Variants in CNTNAP2 observed in about 807,000 individuals in gnomAD.
The protein encoded by CNTNAP2 is contactin associated protein 2.
In CNTNAP2, 98 loss-of-function variants were observed where a neutral mutation model predicts 155.2. The ratio of observed to expected loss-of-function variants is 0.63; its 90% confidence interval spans 0.54 to 0.75. The LOEUF (loss-of-function observed/expected upper bound fraction) is 0.75. Among genes scored for constraint, CNTNAP2 ranks in the 30% least tolerant of loss-of-function variants. The pLI is 0.00. For missense variants in CNTNAP2, 1,727 were observed against 1,688.1 expected, an observed-to-expected ratio of 1.02 and a Z score of -0.40; for synonymous variants, 651 against 631.2, an observed-to-expected ratio of 1.03 and a Z score of -0.47.
chr7:146,217,372 T>TAA (rs1436000492), intron 1 of CNTNAP2, among the ~76,000 whole-genome samples: 1 of 152,214 alleles, frequency 6.6e-6, no homozygotes, highest in Admixed American at 6.5e-5. Flanking sequence ...GCTCTTTTCT[T>TAA]AACTTTTATT....
At chr7:148,027,602 T>C (rs1802397513) in intron 15 of CNTNAP2, among the ~76,000 whole-genome samples, 1 of 152,170 alleles carries the variant, frequency 6.6e-6, no homozygotes, top group Non-Finnish European at 1.5e-5. Context: ...ATTTTTAGTC[T>C]CCACTCCAAC....
Position 148,383,652 on chromosome 7 carries a change from C to A in CNTNAP2, c.3479C>A (p.Thr1160Lys). Residue 1160 changes from threonine to lysine, a missense_variant, in exon 22 of 24, where the codon ACA (threonine) becomes AAA (lysine). Thr to Lys is a moderately conservative substitution (Grantham distance 78). Transcript: ENST00000361727. Reference protein sequence around the residue: ...KSLFLGKVIETGKIDQEIHKY... With the variant: ...KSLFLGKVIEKGKIDQEIHKY... Reference sequence around the variant, plus strand: ...TTCATTTCTTTTTTTCTTTTAGAAACAGGGAAAATTGACCAAGAGATTCAC... The same window carrying A: ...TTCATTTCTTTTTTTCTTTTAGAAAAAGGGAAAATTGACCAAGAGATTCAC... 1 of 1,614,044 alleles carries A rather than the reference C, an allele frequency of 6.2e-7. No homozygotes were observed. The highest frequency in any genetic ancestry group is 1.3e-5 in the African/African-American group (1 of 74,978).
At chr7:146,683,005 T>C (rs1298333826) in intron 1 of CNTNAP2, among the ~76,000 whole-genome samples, 2 of 152,138 alleles carry the variant, frequency 1.3e-5, no homozygotes, top group Non-Finnish European at 2.9e-5. Context: ...ACTTCCTGTG[T>C]TTGTATACAT....
At chr7:148,062,734 T>G (rs542508264) in intron 15 of CNTNAP2, among the ~76,000 whole-genome samples, 2 of 152,218 alleles carry the variant, frequency 1.3e-5, no homozygotes, top group African/African-American at 4.8e-5. Context: ...TTTAAATGCT[T>G]AAGTAAAAAA....
intron 3 of CNTNAP2, among the ~76,000 whole-genome samples, chr7:146,934,522 A>T (rs1288169964): frequency 6.6e-6 from 1 of 152,030 alleles, no homozygotes; most frequent in Admixed American, 6.6e-5. Flanking sequence ...TGGGTGCAGC[A>T]CACTAGCATG....
intron 16 of CNTNAP2, among the ~76,000 whole-genome samples, chr7:148,134,238 A>T (rs901082509): frequency 6.6e-6 from 1 of 152,206 alleles, no homozygotes; most frequent in Non-Finnish European, 1.5e-5. Flanking sequence ...CTGACTTTTT[A>T]TGAAGAGTGG....
At chr7:146,571,712 T>C (rs946521262) in intron 1 of CNTNAP2, among the ~76,000 whole-genome samples, 1 of 147,588 alleles carries the variant, frequency 6.8e-6, no homozygotes, top group African/African-American at 2.5e-5. Flanking sequence ...CATTTAAACA[T>C]TTAAAAACTT....
Position 146,450,579 on chromosome 7 carries a change from A to T in CNTNAP2, c.98-323692A>T, listed in dbSNP as rs1000361512. ...TAAGAGCATACAAAAATGGAAACCT[A>T]CAAATCCTCTTAAACGAAGCCACAT... On this transcript the variant is annotated intron_variant, in intron 1 of 23. Coordinates refer to ENST00000361727, the MANE Select transcript of CNTNAP2 (RefSeq NM_014141.6). 2.6e-5 allele frequency among the ~76,000 whole-genome samples: 4 copies of T among 152,342 alleles called. No individual in the cohort carries two copies. The East Asian group carries it at 7.7e-4, about 29-fold the overall frequency.
chr7:146,190,658 T>A (rs1798689962), intron 1 of CNTNAP2, among the ~76,000 whole-genome samples: 1 of 152,192 alleles, frequency 6.6e-6, no homozygotes, highest in Non-Finnish European at 1.5e-5. Context: ...TTCTCAAAAC[T>A]TTTATAAGTG....
At position 148,409,398 on chromosome 7, in the gene CNTNAP2, G is replaced by A. The variant is rs9648691; in HGVS notation, c.3723G>A (p.Ala1241=). The part of the protein sequence containing the change: ...WHLDHLDSAS[A]DFPYNPGQGQ... ...CTCTTTCTTTCTCTACAGCCAGTGC[G>A]GATTTTCCATATAATCCAGGACAAG... Residue 1241 remains alanine (A), a synonymous_variant, in exon 23 of 24, where the codon GCG becomes GCA. Coordinates refer to ENST00000361727, the MANE Select transcript of CNTNAP2 (RefSeq NM_014141.6). 0.56 allele frequency: 900,135 copies of A among 1,600,224 alleles called. 258,631 individuals carry two copies. Among genetic ancestry groups the A allele is most frequent in the African/African-American group, 0.66 (49,280 of 74,526 alleles).
intron 1 of CNTNAP2, among the ~76,000 whole-genome samples, chr7:146,622,263 C>CTATCTATT (rs1310184322): frequency 2.2e-5 from 3 of 133,628 alleles, no homozygotes; most frequent in Non-Finnish European, 4.7e-5. Flanking sequence ...ATCTATCTAT[C>CTATCTATT]TATCTATCTA....
At chr7:147,550,359 A>T (rs1225790650) in intron 11 of CNTNAP2, among the ~76,000 whole-genome samples, 3 of 152,156 alleles carry the variant, frequency 2.0e-5, no homozygotes, top group Non-Finnish European at 4.4e-5. Context: ...GGTAGTGAAT[A>T]AGTCTCATGA....
At chr7:146,600,468 T>C (rs1798933301) in intron 1 of CNTNAP2, among the ~76,000 whole-genome samples, 1 of 152,136 alleles carries the variant, frequency 6.6e-6, no homozygotes, top group African/African-American at 2.4e-5. Flanking sequence ...ACTACTTTCA[T>C]TTCCGATGCA....
At chr7:146,923,518 T>C (rs183869798) in intron 3 of CNTNAP2, among the ~76,000 whole-genome samples, 11 of 152,280 alleles carry the variant, frequency 7.2e-5, no homozygotes, top group African/African-American at 2.6e-4. Flanking sequence ...TGAGTAACTG[T>C]AATGATAAAT....
chr7:146,540,023 G>A (rs559478852), intron 1 of CNTNAP2, among the ~76,000 whole-genome samples: 1 of 152,178 alleles, frequency 6.6e-6, no homozygotes, highest in Admixed American at 6.6e-5. Context: ...TCTGGGCTGA[G>A]TGATTTTTAA....
In CNTNAP2 at chr7:147,201,063, T is replaced by C. The variant is rs574599702; in HGVS notation, c.1348+68554T>C. Among the ~76,000 whole-genome samples the C allele has an allele frequency of 9.8e-5, 15 of 152,350 alleles. No individual in the cohort carries two copies. The South Asian group carries it at 2.7e-3, about 27-fold the overall frequency. ...CCGATTATCCACAGGGATGTTTACA[T>C]TCAGTGGAGGCTAAAGCCTAATTCT... On this transcript the variant is annotated intron_variant, in intron 8 of 23. Transcript: ENST00000361727.
intron 2 of CNTNAP2, among the ~76,000 whole-genome samples, chr7:146,801,603 G>C (rs1256530077): frequency 6.6e-6 from 1 of 152,100 alleles, no homozygotes; most frequent in Non-Finnish European, 1.5e-5. Context: ...CTAAAAAGTT[G>C]GTTAGATCCA....
chr7:148,097,391 A>C, intron 15 of CNTNAP2, among the ~76,000 whole-genome samples: 1 of 151,692 alleles, frequency 6.6e-6, no homozygotes, highest in East Asian at 1.9e-4. Context: ...AAAATAAAAA[A>C]ATTAAATAGT....
rs192222894 is a variant in CNTNAP2, at chr7:148,371,969, G to A, written c.3476-11680G>A. ...TAATCCCGGCACTTTGGGAGGCCGAGGCAGGCGGATCACAAGGTCAGGAGA... is the reference window on the plus strand; with the variant it reads ...TAATCCCGGCACTTTGGGAGGCCGAAGCAGGCGGATCACAAGGTCAGGAGA... On this transcript the variant is annotated intron_variant, in intron 21 of 23. Coordinates refer to ENST00000361727, the MANE Select transcript of CNTNAP2 (RefSeq NM_014141.6). Among the ~76,000 whole-genome samples, 907 of 152,326 alleles carry A rather than the reference G, an allele frequency of 6.0e-3. 6 individuals are homozygous for A. Among genetic ancestry groups the A allele is most frequent in the African/African-American group, 0.019 (805 of 41,572 alleles).
Sources: gnomAD v4.1 joint callset for allele counts (sites outside exome capture counted in the v4.1 genomes callset) on GRCh38, gnomAD v4.1.1 for gene constraint, MANE v1.5 for transcripts, NCBI Gene and HGNC (gene_info 2026-07-23, HGNC 2026-07-21) for gene names.